The following KCNC4 variants were observed in gnomAD, a reference collection of about 807,000 sequenced individuals.
The protein encoded by KCNC4 is potassium voltage-gated channel subfamily C member 4.
A neutral mutation model predicts 42.8 loss-of-function variants in KCNC4; 23 were observed. The observed-to-expected ratio is 0.54, with a 90% CI of 0.39 to 0.76. The LOEUF (loss-of-function observed/expected upper bound fraction) is 0.76, where lower values mean the gene tolerates loss of function less well. KCNC4 is among the 30% of genes least tolerant of loss of function. KCNC4 has a pLI of 0.00. For synonymous variants in KCNC4, 422 were observed against 393.5 expected (o/e 1.07, Z -0.86); for missense variants, 751 against 898.2 (o/e 0.84, Z 2.10).
At chr1:110,273,929 C>T (rs1014591048) in intron 1 of KCNC4, among the ~76,000 whole-genome samples, 2 of 152,122 alleles carry the variant, frequency 1.3e-5, no homozygotes, top group Non-Finnish European at 2.9e-5. Context: ...AACCCAGGAA[C>T]ATAAGGAGCT....
At chr1:110,237,410 C>T (rs1364414040), downstream of KCNC4, 2 of 151,910 alleles carry the variant, frequency 1.3e-5, no homozygotes, top group East Asian at 1.9e-4. Flanking sequence ...CCAGAGGTGA[C>T]ATGGTTAACA....
At chr1:110,217,974 C>T (rs1055712060) in intron 1 of KCNC4, among the ~76,000 whole-genome samples, 3 of 152,208 alleles carry the variant, frequency 2.0e-5, no homozygotes, top group Non-Finnish European at 4.4e-5. Context: ...TCCCTCACCC[C>T]ATCCCCACAG....
chr1:110,231,975 C>T (rs967535047), intron 3 of KCNC4, among the ~76,000 whole-genome samples: 2 of 152,152 alleles, frequency 1.3e-5, no homozygotes, highest in Non-Finnish European at 2.9e-5. Context: ...AGCCCTAGAC[C>T]TCAGACCCGA....
chr1:110,261,274 A>C (rs1369022366), intron 1 of KCNC4, among the ~76,000 whole-genome samples: 1 of 152,238 alleles, frequency 6.6e-6, no homozygotes, highest in Non-Finnish European at 1.5e-5. Flanking sequence ...TTTTTCTACC[A>C]TGAAAAATGG....
intron 1 of KCNC4, among the ~76,000 whole-genome samples, chr1:110,255,528 G>A (rs1659315154): frequency 6.6e-6 from 1 of 152,182 alleles, no homozygotes; most frequent in Admixed American, 6.5e-5. Context: ...AGCTCTTTGG[G>A]TATCTGGAAA....
At chr1:110,278,465 T>G (rs1308376173) in intron 1 of KCNC4, among the ~76,000 whole-genome samples, 1 of 152,186 alleles carries the variant, frequency 6.6e-6, no homozygotes, top group Non-Finnish European at 1.5e-5. Context: ...GCACAGGCTC[T>G]GTGTGCCCCA....
intron 3 of KCNC4, among the ~76,000 whole-genome samples, chr1:110,227,173 C>A (rs1658440550): frequency 6.6e-6 from 1 of 152,208 alleles, no homozygotes; most frequent in African/African-American, 2.4e-5. Flanking sequence ...CCCCCACTTC[C>A]CTCTGTCCCC....
At chr1:110,261,158 T>C (rs1659418477) in intron 1 of KCNC4, among the ~76,000 whole-genome samples, 1 of 117,156 alleles carries the variant, frequency 8.5e-6, no homozygotes, top group Admixed American at 7.7e-5. Flanking sequence ...CTTAATCCGG[T>C]ATTTAACATT....
chr1:110,218,863 C>T (rs1445962012), intron 1 of KCNC4, among the ~76,000 whole-genome samples: 3 of 152,116 alleles, frequency 2.0e-5, no homozygotes, highest in Non-Finnish European at 4.4e-5. Context: ...TTCAACAGGA[C>T]ACAGGAGCCC....
chr1:110,277,618 T>C (rs1659747073), intron 1 of KCNC4, among the ~76,000 whole-genome samples: 1 of 152,186 alleles, frequency 6.6e-6, no homozygotes, highest in South Asian at 2.1e-4. Flanking sequence ...CAAAACCTGG[T>C]ACACGCTGTT....
chr1:110,269,241 A>C (rs1659599918), intron 1 of KCNC4, among the ~76,000 whole-genome samples: 1 of 152,130 alleles, frequency 6.6e-6, no homozygotes, highest in African/African-American at 2.4e-5. Context: ...TTTGACAGAC[A>C]CGTCAGTTGA....
intron 1 of KCNC4, among the ~76,000 whole-genome samples, chr1:110,270,431 C>A (rs1659616267): frequency 6.6e-6 from 1 of 152,148 alleles, no homozygotes; most frequent in African/African-American, 2.4e-5. Flanking sequence ...AAGATCAAAC[C>A]AAAGCTAAGG....
At chr1:110,260,924 C>G (rs941452591) in intron 1 of KCNC4, among the ~76,000 whole-genome samples, 3 of 152,060 alleles carry the variant, frequency 2.0e-5, no homozygotes, top group Non-Finnish European at 2.9e-5. Context: ...AGCGAGACTC[C>G]GTCTCAAAAA....
downstream of KCNC4, among the ~76,000 whole-genome samples, chr1:110,249,963 C>T (rs1659221381): frequency 6.6e-6 from 1 of 152,148 alleles, no homozygotes; most frequent in Admixed American, 6.5e-5. Flanking sequence ...ACTAAGTACC[C>T]CATATAAGTG....
At chr1:110,249,241 T>A (rs1423334736), downstream of KCNC4, 3 of 152,236 alleles carry the variant, frequency 2.0e-5, no homozygotes, top group Admixed American at 6.5e-5. Flanking sequence ...GCCCCTTTTT[T>A]TCTGGGGGCT....
At chr1:110,241,313 A>G (rs957034858) in exon 4 of KCNC4, 2 of 152,174 alleles carry the variant, frequency 1.3e-5, no homozygotes, top group Non-Finnish European at 2.9e-5. Context: ...ACCTATGCAC[A>G]AGAAAGTATT....
At chr1:110,262,771 C>T (rs978059839) in intron 1 of KCNC4, among the ~76,000 whole-genome samples, 3 of 152,186 alleles carry the variant, frequency 2.0e-5, no homozygotes, top group African/African-American at 7.2e-5. Context: ...TCTTAGGTCC[C>T]ATTTCTTCGG....
downstream of KCNC4, chr1:110,236,828 G>T (rs1235229608): frequency 6.6e-6 from 1 of 152,216 alleles, no homozygotes; most frequent in Non-Finnish European, 1.5e-5. Flanking sequence ...CTGTGGGGAA[G>T]TGGGTTTAGA....
rs374154136 is a variant in KCNC4 at position 110,222,956 on chromosome 1, GCCC to G, written c.679-7_679-5del. On this transcript the variant is annotated splice_region_variant and splice_polypyrimidine_tract_variant and intron_variant, in intron 1 of 3. Transcript: ENST00000438661. ...CAGCTGCCCCCTGCTCTCCTCCCCTGCCCATAGGTAGTGGCCTTTGCCTCTCTC... is the reference window on the plus strand; with the variant it reads ...CAGCTGCCCCCTGCTCTCCTCCCCTGATAGGTAGTGGCCTTTGCCTCTCTC... The G allele has an allele frequency of 5.3e-4, 853 of 1,607,700 alleles. 5 individuals are homozygous for G. The African/African-American group carries it at 0.01, about 19-fold the overall frequency.
Sources: gnomAD v4.1 joint callset for allele counts (sites outside exome capture counted in the v4.1 genomes callset) on GRCh38, gnomAD v4.1.1 for gene constraint, MANE v1.5 for transcripts, NCBI Gene and HGNC (gene_info 2026-07-23, HGNC 2026-07-21) for gene names.